UNC93A: variants seen among roughly 807,000 people sequenced by gnomAD.
UNC93A encodes N-acetylglucosamine transporter UNC93A.
In UNC93A, 43 loss-of-function variants were observed where a neutral mutation model predicts 47.5. That is an observed-to-expected ratio of 0.91 (90% CI 0.71 to 1.17). The LOEUF (loss-of-function observed/expected upper bound fraction) is 1.17, where lower values mean the gene tolerates loss of function less well. UNC93A is among the 50% of genes most tolerant of loss of function. The pLI, the probability that UNC93A is intolerant of heterozygous loss-of-function variation, is 0.00. For missense variants in UNC93A, 605 were observed against 577.6 expected (o/e 1.05, Z -0.49); for synonymous variants, 280 against 258.0 (o/e 1.09, Z -0.82).
At chr6:167,286,977 CAAAAA>C (rs548370859), upstream of UNC93A, among the ~76,000 whole-genome samples, 13 of 110,020 alleles carry the variant, frequency 1.2e-4, no homozygotes, top group African/African-American at 4.2e-4. Flanking sequence ...GACTCTGTCT[CAAAAA>C]AAAAAAAAAA....
chr6:167,310,998 G>C (rs558905034), intron 7 of UNC93A, among the ~76,000 whole-genome samples: 1 of 152,344 alleles, frequency 6.6e-6, no homozygotes, highest in Non-Finnish European at 1.5e-5. Flanking sequence ...CTCCTGGCAG[G>C]CTGGCTCTCC....
chr6:167,294,441 G>A, intron 1 of UNC93A, 76 bp from the exon 2 acceptor site: 4 of 1,545,432 alleles, frequency 2.6e-6, no homozygotes, highest in Non-Finnish European at 3.5e-6. Flanking sequence ...CAGCCTGGGG[G>A]ACACTGAGGA....
intron 1 of UNC93A, among the ~76,000 whole-genome samples, chr6:167,292,676 C>T (rs1030972945): frequency 6.6e-6 from 1 of 152,148 alleles, no homozygotes; most frequent in Admixed American, 6.5e-5. Flanking sequence ...TTTTGGAGTC[C>T]CTGCTTTGCC....
Position 167,296,057 on chromosome 6 carries a change from C to A in UNC93A, c.295C>A (p.Leu99Met). The change falls in exon 3 of 8, where the codon CTG becomes ATG. Residue 99 changes from leucine to methionine, a missense_variant. Coordinates refer to ENST00000230256, the MANE Select transcript of UNC93A (RefSeq NM_018974.4). ...SWYTLIPTSILLGLGAAPLWS... is the reference protein window; with the variant it reads ...SWYTLIPTSIMLGLGAAPLWS... ...GTACACTTTGATCCCCACCTCCATA[C>A]TGCTGGGACTCGGGGCCGCCCCGCT... 2 of 1,614,218 alleles carry A rather than the reference C, an allele frequency of 1.2e-6. No homozygotes were observed. The highest frequency in any genetic ancestry group is 1.7e-6 in the Non-Finnish European group (2 of 1,180,048).
Position 167,294,636 on chromosome 6 carries a change from G to A in UNC93A, c.207G>A (p.Gly69=), listed in dbSNP as rs768169604. Residue 69 remains glycine, a synonymous_variant, in exon 2 of 8, where the codon GGG becomes GGA. Transcript: ENST00000230256. ...PLLIERLGCK[G]TIILSMCGYV... ...TCATCGAGAGGCTGGGCTGCAAGGGGACCATCATCCTCTCCATGTGTGGCT... is the reference window on the plus strand; with the variant it reads ...TCATCGAGAGGCTGGGCTGCAAGGGAACCATCATCCTCTCCATGTGTGGCT... The A allele has an allele frequency of 1.2e-6, 2 of 1,613,552 alleles. No homozygotes were observed. Among genetic ancestry groups the A allele is most frequent in the Admixed American group, 1.7e-5 (1 of 60,002 alleles).
upstream of UNC93A, among the ~76,000 whole-genome samples, chr6:167,270,090 A>G (rs1783427382): frequency 6.8e-6 from 1 of 147,796 alleles, no homozygotes; most frequent in Non-Finnish European, 1.5e-5. Context: ...CATGGTCCGG[A>G]GTCCCCACCC....
chr6:167,305,803 C>A, intron 5 of UNC93A, 112 bp from the exon 6 acceptor site: 1 of 1,470,490 alleles, frequency 6.8e-7, no homozygotes, highest in South Asian at 1.2e-5. Context: ...GTAGGCAACA[C>A]TGGCCTGCTG....
At chr6:167,275,361 ACAGGTCAG>A (rs1783522042) in intron 1 of UNC93A, among the ~76,000 whole-genome samples, 4 of 152,170 alleles carry the variant, frequency 2.6e-5, no homozygotes, top group Admixed American at 6.5e-5. Flanking sequence ...CTGTTGGAAT[ACAGGTCAG>A]TCCTCTTCAC....
chr6:167,285,144 G>T (rs1350543166), intron 1 of UNC93A, among the ~76,000 whole-genome samples: 2 of 151,916 alleles, frequency 1.3e-5, no homozygotes, highest in Non-Finnish European at 2.9e-5. Flanking sequence ...TAGGTGTGTG[G>T]TTACCTGCCC....
chr6:167,293,005 G>A (rs1227808595), intron 1 of UNC93A, among the ~76,000 whole-genome samples: 2 of 152,164 alleles, frequency 1.3e-5, no homozygotes, highest in African/African-American at 4.8e-5. Flanking sequence ...CTCTGGACTT[G>A]GAAGCCAGAG....
intron 1 of UNC93A, among the ~76,000 whole-genome samples, chr6:167,279,820 C>G (rs1164394410): frequency 6.6e-6 from 1 of 152,160 alleles, no homozygotes; most frequent in Non-Finnish European, 1.5e-5. Context: ...AGACCCTTAT[C>G]CTTGGAGAAT....
intron 6 of UNC93A, among the ~76,000 whole-genome samples, chr6:167,306,555 C>T (rs1883177): frequency 0.28 from 43,263 of 152,098 alleles, 6,271 homozygotes; most frequent in South Asian, 0.35. Flanking sequence ...TCAGAGATCA[C>T]GTGAACAATG....
intron 7 of UNC93A, among the ~76,000 whole-genome samples, chr6:167,314,181 GA>G (rs1374197068): frequency 4.6e-5 from 7 of 152,164 alleles, no homozygotes; most frequent in Admixed American, 6.5e-5. Context: ...AGCACTAAGG[GA>G]GGGGTGGGCA....
At chr6:167,306,990 C>G (rs1335531558) in intron 6 of UNC93A, among the ~76,000 whole-genome samples, 1 of 152,186 alleles carries the variant, frequency 6.6e-6, no homozygotes, top group Admixed American at 6.5e-5. Flanking sequence ...CAGATGCTAC[C>G]TGCCTGGGGG....
chr6:167,280,242 C>T (rs965210614), intron 1 of UNC93A, among the ~76,000 whole-genome samples: 25 of 152,300 alleles, frequency 1.6e-4, no homozygotes, highest in Admixed American at 1.5e-3. Flanking sequence ...CTACCCCCTG[C>T]AGGCTCCCCG....
intron 1 of UNC93A, among the ~76,000 whole-genome samples, chr6:167,273,475 T>G (rs185671477): frequency 1.3e-5 from 2 of 152,320 alleles, no homozygotes; most frequent in African/African-American, 2.4e-5. Context: ...CAGCACACCT[T>G]TGGGTGCCAT....
intron 7 of UNC93A, among the ~76,000 whole-genome samples, chr6:167,314,156 C>A (rs1461792703): frequency 6.6e-6 from 1 of 152,188 alleles, no homozygotes; most frequent in African/African-American, 2.4e-5. Context: ...CCTCCCCACA[C>A]ACGGCATTGT....
intron 3 of UNC93A, 63 bp from the exon 4 acceptor site, chr6:167,297,882 A>G: frequency 6.3e-7 from 1 of 1,584,578 alleles, no homozygotes; most frequent in Non-Finnish European, 8.6e-7. Context: ...TTGATTTCTC[A>G]AGAACCTACA....
At chr6:167,280,666 G>T (rs988420885) in intron 1 of UNC93A, among the ~76,000 whole-genome samples, 1 of 152,152 alleles carries the variant, frequency 6.6e-6, no homozygotes, top group African/African-American at 2.4e-5. Flanking sequence ...GCTGGAACCT[G>T]GCCAGAGCTC....
Sources: allele counts gnomAD v4.1 joint callset (sites outside exome capture counted in the v4.1 genomes callset), GRCh38; gene constraint gnomAD v4.1.1; transcripts MANE v1.5; gene names NCBI Gene and HGNC (gene_info 2026-07-23, HGNC 2026-07-21).